The following GALNT14 variants were observed in gnomAD, a reference collection of about 807,000 sequenced individuals.
GALNT14 encodes UDP-GalNAc:polypeptide N-acetylgalactosaminyltransferase 14.
A neutral mutation model predicts 77.5 loss-of-function variants in GALNT14; 60 were observed. The ratio of observed to expected loss-of-function variants is 0.77; its 90% CI spans 0.63 to 0.96. The LOEUF (loss-of-function observed/expected upper bound fraction) is 0.96. GALNT14 is among the 40% of genes least tolerant of loss of function. GALNT14 has a pLI of 0.00. For synonymous variants in GALNT14, 280 were observed against 281.7 expected (o/e 0.99, Z 0.06); for missense variants, 710 against 731.0 (o/e 0.97, Z 0.33).
chr2:31,111,165 C>A (rs572688800), intron 1 of GALNT14, among the ~76,000 whole-genome samples: 12 of 152,302 alleles, frequency 7.9e-5, no homozygotes, highest in Admixed American at 7.8e-4. Context: ...ACCCAGGATG[C>A]AGATGGGGGC....
intron 1 of GALNT14, among the ~76,000 whole-genome samples, chr2:31,064,844 C>T (rs1369308218): frequency 6.6e-6 from 1 of 151,942 alleles, no homozygotes; most frequent in African/African-American, 2.4e-5. Flanking sequence ...ACTACATAGC[C>T]AGGTCTTCTC....
chr2:31,032,385 G>A (rs1341334407), intron 1 of GALNT14, among the ~76,000 whole-genome samples: 9 of 152,188 alleles, frequency 5.9e-5, no homozygotes, highest in Admixed American at 5.9e-4. Flanking sequence ...GAACAAGAGT[G>A]GCCACGAGGG....
At chr2:31,032,324 G>A (rs371050089) in intron 1 of GALNT14, among the ~76,000 whole-genome samples, 31 of 152,282 alleles carry the variant, frequency 2.0e-4, no homozygotes, top group East Asian at 1.4e-3. Flanking sequence ...TTTCATCCTC[G>A]CCTAAGCCCA....
chr2:30,989,250 T>C lies in GALNT14; in HGVS notation c.299+3588A>G, dbSNP rs144059608. On this transcript the variant is annotated intron_variant, in intron 2 of 14. Transcript: ENST00000349752. ...GCTAAGGACCAGCACCCCACACTCA[T>C]GGGGATTTGACACCACTCACTTCCA... Among the ~76,000 whole-genome samples the C allele has an allele frequency of 6.8e-3, 1,028 of 152,164 alleles. 8 individuals carry two copies. Among genetic ancestry groups the C allele is most frequent in the Middle Eastern group, 0.054 (16 of 294 alleles).
chr2:31,134,217 A>G (rs1679120867), intron 1 of GALNT14, among the ~76,000 whole-genome samples: 1 of 152,206 alleles, frequency 6.6e-6, no homozygotes, highest in African/African-American at 2.4e-5. Context: ...GGAGCCCTTA[A>G]TACAGCTCTC....
At chr2:30,930,359 G>C (rs981639898) in intron 10 of GALNT14, among the ~76,000 whole-genome samples, 1 of 152,240 alleles carries the variant, frequency 6.6e-6, no homozygotes, top group Non-Finnish European at 1.5e-5. Context: ...AGGCCATGCA[G>C]TTAGCCTGCT....
At chr2:30,972,451 G>A (rs1426438490) in intron 2 of GALNT14, among the ~76,000 whole-genome samples, 2 of 152,186 alleles carry the variant, frequency 1.3e-5, no homozygotes, top group East Asian at 3.9e-4. Context: ...TTAAACTACT[G>A]CTCATTGAAC....
intron 1 of GALNT14, among the ~76,000 whole-genome samples, chr2:31,095,285 A>G (rs552629952): frequency 1.3e-5 from 2 of 152,278 alleles, no homozygotes; most frequent in African/African-American, 4.8e-5. Flanking sequence ...ACAAATTTCA[A>G]CCTTGCTCCA....
intron 1 of GALNT14, among the ~76,000 whole-genome samples, chr2:31,041,802 G>A (rs879415077): frequency 6.6e-6 from 1 of 152,118 alleles, no homozygotes; most frequent in Admixed American, 6.5e-5. Context: ...GCAATGTCTT[G>A]GGCACCTGAA....
chr2:31,006,272 C>T (rs553697365), intron 1 of GALNT14, among the ~76,000 whole-genome samples: 14 of 152,068 alleles, frequency 9.2e-5, no homozygotes, highest in African/African-American at 2.9e-4. Context: ...GGAAGCCAGG[C>T]GAAAGAACTG....
chr2:30,963,307 G>A (rs1667803740), intron 3 of GALNT14, among the ~76,000 whole-genome samples: 1 of 152,198 alleles, frequency 6.6e-6, no homozygotes, highest in African/African-American at 2.4e-5. Context: ...GAAAGCTGAC[G>A]CCTGATGCCT....
intron 1 of GALNT14, among the ~76,000 whole-genome samples, chr2:31,038,084 A>ATTTTTT (rs1196402402): frequency 2.7e-4 from 14 of 52,640 alleles, no homozygotes; most frequent in East Asian, 1.1e-3. Context: ...ATATATATAT[A>ATTTTTT]TTTTTTTTTT....
intron 9 of GALNT14, among the ~76,000 whole-genome samples, chr2:30,938,301 T>TACACCCTACACACACACAC (rs1239154923): frequency 1.5e-4 from 19 of 126,154 alleles, no homozygotes; most frequent in Admixed American, 1.3e-3. Flanking sequence ...CACACACACA[T>TACACCCTACACACACACAC]ACACCCTACA....
At chr2:31,027,724 C>A (rs1436517922) in intron 1 of GALNT14, among the ~76,000 whole-genome samples, 2 of 152,262 alleles carry the variant, frequency 1.3e-5, no homozygotes, top group Admixed American at 1.3e-4. Flanking sequence ...TATGTCCCCA[C>A]CCTGTATGGT....
chr2:30,915,749 T>C (rs1664637315), intron 13 of GALNT14, among the ~76,000 whole-genome samples: 1 of 152,182 alleles, frequency 6.6e-6, no homozygotes, highest in Admixed American at 6.5e-5. Flanking sequence ...GGAGGTCCTG[T>C]GGCAGGCCAG....
At chr2:31,123,732 C>T (rs6732096) in intron 1 of GALNT14, among the ~76,000 whole-genome samples, 118,131 of 151,982 alleles carry the variant, frequency 0.78, 46,008 homozygotes, top group South Asian at 0.91. Flanking sequence ...ATGATCAGGA[C>T]AGGAAATTCA....
intron 10 of GALNT14, among the ~76,000 whole-genome samples, chr2:30,930,908 C>T (rs1665686754): frequency 6.6e-6 from 1 of 152,230 alleles, no homozygotes; most frequent in South Asian, 2.1e-4. Context: ...TGCAGGATGC[C>T]CACTGGCCAG....
chr2:31,090,871 TGAG>T (rs1223577920), intron 1 of GALNT14, among the ~76,000 whole-genome samples: 3 of 121,062 alleles, frequency 2.5e-5, no homozygotes, highest in Non-Finnish European at 5.6e-5. Flanking sequence ...ACTGGCACTG[TGAG>T]AAGTAAGTAA....
At chr2:31,126,618 G>A (rs972016947) in intron 1 of GALNT14, 1 of 152,178 alleles carries the variant, frequency 6.6e-6, no homozygotes, top group African/African-American at 2.4e-5. Context: ...CAAGAAGCGA[G>A]TGTTCTACAA....
Sources: gnomAD v4.1 joint callset for allele counts (sites outside exome capture counted in the v4.1 genomes callset) on GRCh38, gnomAD v4.1.1 for gene constraint, MANE v1.5 for transcripts, NCBI Gene and HGNC (gene_info 2026-07-23, HGNC 2026-07-21) for gene names.